PIK3R1: variants seen among roughly 807,000 people sequenced by gnomAD.
The protein encoded by PIK3R1 is phosphoinositide-3-kinase regulatory subunit 1, also known as phosphatidylinositol 3-kinase regulatory subunit alpha.
Under a neutral mutation model 98.0 loss-of-function variants are expected in PIK3R1, and 29 were observed. That is an observed-to-expected ratio of 0.30 (90% CI 0.22 to 0.40). The LOEUF is 0.40. Ranked by LOEUF, PIK3R1 falls within the 10% of genes least tolerant of loss-of-function variation. The pLI is 1.00. For missense variants in PIK3R1, 596 were observed against 872.7 expected, an observed-to-expected ratio of 0.68 and a Z score of 3.99; for synonymous variants, 282 against 311.8, an observed-to-expected ratio of 0.90 and a Z score of 1.01.
At chr5:68,236,699 A>G (rs1744682895) in intron 2 of PIK3R1, among the ~76,000 whole-genome samples, 1 of 152,218 alleles carries the variant, frequency 6.6e-6, no homozygotes, top group Admixed American at 6.5e-5. Context: ...GATCTCCTTA[A>G]GCAGTCTCTT....
At chr5:68,229,548 C>A (rs997221972) in intron 2 of PIK3R1, among the ~76,000 whole-genome samples, 1 of 152,122 alleles carries the variant, frequency 6.6e-6, no homozygotes, top group Non-Finnish European at 1.5e-5. Flanking sequence ...GTCTAGGAAC[C>A]ACATGCAGTT....
intron 4 of PIK3R1, among the ~76,000 whole-genome samples, chr5:68,274,947 G>A (rs746656842): frequency 3.3e-5 from 5 of 152,296 alleles, no homozygotes; most frequent in South Asian, 2.1e-4. Flanking sequence ...TTTGGACTCC[G>A]TCAGAGGTAT....
chr5:68,241,095 TCA>T (rs1371420582), intron 2 of PIK3R1, among the ~76,000 whole-genome samples: 1 of 152,338 alleles, frequency 6.6e-6, no homozygotes, highest in African/African-American at 2.4e-5. Flanking sequence ...TTATATTGTC[TCA>T]CATTTAATGT....
At chr5:68,251,517 C>T (rs879383407) in intron 2 of PIK3R1, among the ~76,000 whole-genome samples, 8 of 151,466 alleles carry the variant, frequency 5.3e-5, no homozygotes, top group Non-Finnish European at 1.0e-4. Flanking sequence ...GTTTGTAAGC[C>T]GTTCACTAAC....
chr5:68,250,615 T>C (rs915828931), intron 2 of PIK3R1, among the ~76,000 whole-genome samples: 2 of 152,224 alleles, frequency 1.3e-5, no homozygotes, highest in African/African-American at 4.8e-5. Flanking sequence ...AAATAGACTT[T>C]GGGGATCTAA....
intron 2 of PIK3R1, among the ~76,000 whole-genome samples, chr5:68,250,962 G>A (rs1745284942): frequency 6.6e-6 from 1 of 152,224 alleles, no homozygotes; most frequent in Admixed American, 6.5e-5. Flanking sequence ...TTTTAAGAGA[G>A]TGTGTATGTT....
At chr5:68,240,099 ATT>A (rs1744819428) in intron 2 of PIK3R1, among the ~76,000 whole-genome samples, 1 of 149,716 alleles carries the variant, frequency 6.7e-6, no homozygotes, top group South Asian at 2.1e-4. Flanking sequence ...TTATATATAT[ATT>A]ACTTATATAT....
chr5:68,230,393 T>G (rs75067814), intron 2 of PIK3R1, among the ~76,000 whole-genome samples: 2,746 of 152,334 alleles, frequency 0.018, 36 homozygotes, highest in Non-Finnish European at 0.026. Flanking sequence ...AACATGCTGG[T>G]AAACAGGTGC....
At chr5:68,286,163 C>T (rs898654780) in intron 7 of PIK3R1, among the ~76,000 whole-genome samples, 2 of 152,072 alleles carry the variant, frequency 1.3e-5, no homozygotes, top group Admixed American at 6.6e-5. Flanking sequence ...AGAAGTGAAA[C>T]AATGGGCTGT....
intron 1 of PIK3R1, among the ~76,000 whole-genome samples, chr5:68,219,331 G>A (rs1427753927): frequency 6.6e-6 from 1 of 152,230 alleles, no homozygotes; most frequent in African/African-American, 2.4e-5. Context: ...TCATCCAAGA[G>A]AGTATTGAAG....
chr5:68,296,441 A>G lies in PIK3R1; in HGVS notation c.1985+100A>G, dbSNP rs954442973. The G allele has an allele frequency of 5.3e-6, 6 of 1,137,918 alleles. No individual in the cohort carries two copies. The African/African-American group carries it at 9.3e-5, about 18-fold the overall frequency. 70.5% of individuals were successfully genotyped at this position (1,137,918 alleles called of 1,614,324 possible). On this transcript the variant is annotated intron_variant, in intron 15 of 15. Transcript: ENST00000521381. ...GGGGGCAAAGATTTGACATAGTTTT[A>G]GTCTTGAATAAGCTTACAGTACAAT...
At chr5:68,249,044 A>G (rs1745204244) in intron 2 of PIK3R1, among the ~76,000 whole-genome samples, 1 of 152,234 alleles carries the variant, frequency 6.6e-6, no homozygotes, top group South Asian at 2.1e-4. Flanking sequence ...CTTCATAAAT[A>G]TTACCAAGGA....
intron 4 of PIK3R1, 78 bp from the exon 5 acceptor site, chr5:68,279,524 C>A: frequency 6.5e-6 from 7 of 1,080,404 alleles, no homozygotes; most frequent in East Asian, 2.6e-5. Context: ...ACATGTGAGT[C>A]AAATTGTTCA....
chr5:68,231,731 T>C (rs1744485293), intron 2 of PIK3R1, among the ~76,000 whole-genome samples: 1 of 152,250 alleles, frequency 6.6e-6, no homozygotes, highest in Admixed American at 6.5e-5. Context: ...TTCCTGCCTT[T>C]ACGAATTCTG....
intron 4 of PIK3R1, among the ~76,000 whole-genome samples, chr5:68,277,139 G>A (rs765262383): frequency 3.3e-5 from 5 of 152,152 alleles, no homozygotes; most frequent in Non-Finnish European, 5.9e-5. Context: ...AAGCAAATTC[G>A]GTAATATTAA....
In PIK3R1 at chr5:68,262,791, G is replaced by GTGTACATA. The variant is rs1232202910; in HGVS notation, c.335-10598_335-10597insGTACATAT. Among the ~76,000 whole-genome samples, 50 of 22,884 alleles carry GTGTACATA rather than the reference G, an allele frequency of 2.2e-3. 3 individuals carry two copies. Among genetic ancestry groups the GTGTACATA allele is most frequent in the African/African-American group, 6.8e-3 (12 of 1,764 alleles). The allele number at this position is 22,884 out of a possible 152,430, so 15.0% of individuals were successfully genotyped here. On this transcript the variant is annotated intron_variant, in intron 2 of 15. Transcript: ENST00000521381. ...TACATGTAGATGCATGTAGATACATGTATACGTAGATACATGTATACATGT... is the reference window on the plus strand; with the variant it reads ...TACATGTAGATGCATGTAGATACATGTGTACATATATACGTAGATACATGTATACATGT...
chr5:68,272,835 G>A (rs1746417150), intron 2 of PIK3R1, among the ~76,000 whole-genome samples: 1 of 152,172 alleles, frequency 6.6e-6, no homozygotes, highest in Non-Finnish European at 1.5e-5. Flanking sequence ...GTGAGGCTTG[G>A]GGCAAGAATG....
intron 2 of PIK3R1, among the ~76,000 whole-genome samples, chr5:68,239,566 A>C (rs935714344): frequency 1.3e-5 from 2 of 152,344 alleles, no homozygotes; most frequent in Admixed American, 6.5e-5. Flanking sequence ...AAGATAAACA[A>C]GTTTAGTTAG....
intron 8 of PIK3R1, chr5:68,292,855 TTTGTGATGAGACTGCAA>T (rs1747469151): frequency 1.2e-6 from 1 of 800,736 alleles, no homozygotes; most frequent in South Asian, 2.1e-5. Flanking sequence ...TATGCACCTG[TTTGTGATGAGACTGCAA>T]TTGCTAACAT....
Sources: gnomAD v4.1 joint callset for allele counts (sites outside exome capture counted in the v4.1 genomes callset) on GRCh38, gnomAD v4.1.1 for gene constraint, MANE v1.5 for transcripts, NCBI Gene and HGNC (gene_info 2026-07-23, HGNC 2026-07-21) for gene names.